Variants in OLFM4 observed in about 807,000 individuals in gnomAD.
OLFM4 encodes the protein olfactomedin 4, also known as olfactomedin-4.
Under a neutral mutation model 25.5 loss-of-function variants are expected in OLFM4, and 22 were observed. The ratio of observed to expected loss-of-function variants is 0.86; its 90% CI spans 0.62 to 1.23. The LOEUF is 1.23. Among genes scored for constraint, OLFM4 ranks in the 50% most tolerant of loss-of-function variants. The pLI is 0.00. For missense variants in OLFM4, 594 were observed against 619.4 expected, an observed-to-expected ratio of 0.96 and a Z score of 0.44; for synonymous variants, 255 against 237.7, an observed-to-expected ratio of 1.07 and a Z score of -0.67.
intron 4 of OLFM4, among the ~76,000 whole-genome samples, chr13:53,045,552 A>G (rs1954711603): frequency 6.6e-6 from 1 of 152,164 alleles, no homozygotes; most frequent in Admixed American, 6.5e-5. Context: ...GGAGACTTTA[A>G]TTAAAGTTAT....
intron 4 of OLFM4, 150 bp downstream of exon 4, chr13:53,043,414 T>G (rs1954698893): frequency 1.6e-6 from 1 of 615,582 alleles, no homozygotes; most frequent in Non-Finnish European, 2.5e-6. Context: ...CTCTTCCATG[T>G]TTTAAAATTC....
chr13:53,051,799 G>C lies in OLFM4; in HGVS notation c.*1028G>C, dbSNP rs1954750648. ...GTAATTTTTGCCTTTGTTTAAGCCT[G>C]GAACTTGTAAGAAAATGAAAATTTA... On this transcript the variant is annotated 3_prime_UTR_variant, in exon 5 of 5. Transcript: ENST00000219022. The C allele has an allele frequency of 6.6e-6, 1 of 152,110 alleles. No individual in the cohort carries two copies. 9.4% of individuals were successfully genotyped at this position (152,110 alleles called of 1,614,324 possible).
chr13:53,042,117 G>A lies in OLFM4; in HGVS notation c.565G>A (p.Val189Met), dbSNP rs894280324. 1.2e-6 allele frequency: 2 copies of A among 1,613,476 alleles called. No individual in the cohort carries two copies. Among genetic ancestry groups the A allele is most frequent in the Non-Finnish European group, 1.7e-6 (2 of 1,179,700 alleles). ...GSSEIVDQLE[V>M]EIRNMTLLVE... ...CTCAGAAATTGTTGACCAGCTGGAGGTGGAGGTAAGGAGTGAACTCACTTC... is the reference window on the plus strand; with the variant it reads ...CTCAGAAATTGTTGACCAGCTGGAGATGGAGGTAAGGAGTGAACTCACTTC... Residue 189 changes from valine (V) to methionine (M), a missense_variant, in exon 3 of 5, where the codon GTG (valine) becomes ATG (methionine). Val to Met is a conservative substitution (Grantham distance 21). Coordinates refer to ENST00000219022, the MANE Select transcript of OLFM4 (RefSeq NM_006418.5).
chr13:53,034,313 CTTG>C (rs1566315646), intron 1 of OLFM4, 32 bp from the exon 2 acceptor site: 1 of 1,601,202 alleles, frequency 6.2e-7, no homozygotes, highest in South Asian at 1.1e-5. Context: ...CAGATTCCAG[CTTG>C]TTATTGATGT....
intron 2 of OLFM4, among the ~76,000 whole-genome samples, chr13:53,040,699 G>A (rs1370077260): frequency 6.6e-6 from 1 of 152,156 alleles, no homozygotes; most frequent in Non-Finnish European, 1.5e-5. Context: ...GTAATTCACA[G>A]CACAACCCCC....
At chr13:53,042,182 C>T (rs918737716) in intron 3 of OLFM4, 60 bp downstream of exon 3, 1 of 1,403,572 alleles carries the variant, frequency 7.1e-7, no homozygotes. Flanking sequence ...TGACTGTAAG[C>T]AAGTACTAGT....
At chr13:53,039,465 C>T (rs528746475) in intron 2 of OLFM4, among the ~76,000 whole-genome samples, 39 of 151,756 alleles carry the variant, frequency 2.6e-4, no homozygotes, top group African/African-American at 6.8e-4. Context: ...AAAAATTTCA[C>T]GGAAAAAAAC....
intron 1 of OLFM4, among the ~76,000 whole-genome samples, chr13:53,032,540 T>C (rs1954634698): frequency 6.6e-6 from 1 of 152,116 alleles, no homozygotes; most frequent in Non-Finnish European, 1.5e-5. Flanking sequence ...TATTCATCTC[T>C]GGCAAAGACC....
At chr13:53,030,815 T>C (rs1954625261) in intron 1 of OLFM4, among the ~76,000 whole-genome samples, 1 of 152,194 alleles carries the variant, frequency 6.6e-6, no homozygotes, top group Non-Finnish European at 1.5e-5. Context: ...GCTTATTTTT[T>C]AGTTAGAGGA....
Position 53,051,589 on chromosome 13 carries a change from G to GT in OLFM4, c.*822dup, listed in dbSNP as rs1193790491. ...ACTGCCTACTTTAAAAAAATTAATA[G>GT]TTTTCTATGGAACTGATCTAAGATT... On this transcript the variant is annotated 3_prime_UTR_variant, in exon 5 of 5. Transcript: ENST00000219022. 2.6e-5 allele frequency: 4 copies of GT among 151,612 alleles called. No homozygotes were observed. The highest frequency in any genetic ancestry group is 5.9e-5 in the Non-Finnish European group (4 of 67,908). 9.4% of individuals were successfully genotyped at this position (151,612 alleles called of 1,614,324 possible).
chr13:53,043,371 G>GTTTT (rs35795840), intron 4 of OLFM4, 107 bp downstream of exon 4: 54 of 303,908 alleles, frequency 1.8e-4, no homozygotes, highest in East Asian at 5.3e-4. Flanking sequence ...AAGGTGGGTT[G>GTTTT]TTTTTTTTTT....
chr13:53,031,276 A>G (rs1344612985), intron 1 of OLFM4, among the ~76,000 whole-genome samples: 1 of 152,094 alleles, frequency 6.6e-6, no homozygotes, highest in Admixed American at 6.5e-5. Flanking sequence ...CAGCTTGATG[A>G]GCTCTTTGGA....
intron 3 of OLFM4, among the ~76,000 whole-genome samples, chr13:53,042,642 C>T (rs1424386532): frequency 2.0e-5 from 3 of 152,162 alleles, no homozygotes; most frequent in African/African-American, 7.2e-5. Flanking sequence ...ATCACATTAA[C>T]GTTATGGTTG....
chr13:53,049,713 A>T (rs1053832919), intron 4 of OLFM4, among the ~76,000 whole-genome samples: 2 of 152,140 alleles, frequency 1.3e-5, no homozygotes, highest in Non-Finnish European at 2.9e-5. Flanking sequence ...TGGTTTCATT[A>T]TTCCTATTTT....
At chr13:53,035,871 C>T (rs1007085240) in intron 2 of OLFM4, among the ~76,000 whole-genome samples, 1 of 152,182 alleles carries the variant, frequency 6.6e-6, no homozygotes, top group African/African-American at 2.4e-5. Flanking sequence ...TGACTCCTTC[C>T]ACCTTTTCAG....
rs373925038 is a variant in OLFM4, at chr13:53,029,009, G to A, written c.173G>A (p.Arg58His). Residue 58 changes from arginine to histidine, a missense_variant, in exon 1 of 5, where the codon CGC becomes CAC. Physicochemically the swap from Arg to His is conservative, Grantham distance 29. Coordinates refer to ENST00000219022, the MANE Select transcript of OLFM4 (RefSeq NM_006418.5). ...TCCAGGTCGGGCTCCAGCTCCAGCC[G>A]CAGCTTAGGCAGCGGAGGTTCTGTG... Reference protein sequence around the residue: ...SSSRSGSSSSRSLGSGGSVSQ... With the variant: ...SSSRSGSSSSHSLGSGGSVSQ... 4.2e-5 allele frequency: 68 copies of A among 1,614,028 alleles called. No individual in the cohort carries two copies. Among genetic ancestry groups the A allele is most frequent in the African/African-American group, 8.0e-5 (6 of 74,918 alleles).
At chr13:53,033,812 G>A (rs988791470) in intron 1 of OLFM4, among the ~76,000 whole-genome samples, 3 of 152,098 alleles carry the variant, frequency 2.0e-5, no homozygotes, top group African/African-American at 4.8e-5. Context: ...TGTAATCCCA[G>A]CACTTTGGGA....
intron 2 of OLFM4, among the ~76,000 whole-genome samples, chr13:53,038,540 C>G (rs994201544): frequency 1.3e-5 from 2 of 152,060 alleles, no homozygotes; most frequent in African/African-American, 4.8e-5. Flanking sequence ...GCATATATAT[C>G]TAAACATAGA....
At chr13:53,035,477 T>C (rs1478821449) in intron 2 of OLFM4, among the ~76,000 whole-genome samples, 4 of 152,228 alleles carry the variant, frequency 2.6e-5, no homozygotes, top group Admixed American at 6.5e-5. Flanking sequence ...TAGACTCTTT[T>C]ACTTATTTTA....
Sources: allele counts gnomAD v4.1 joint callset (sites outside exome capture counted in the v4.1 genomes callset), GRCh38; gene constraint gnomAD v4.1.1; transcripts MANE v1.5; gene names NCBI Gene and HGNC (gene_info 2026-07-23, HGNC 2026-07-21).